SYNDIG1: variants seen among roughly 807,000 people sequenced by gnomAD.
The protein encoded by SYNDIG1 is synapse differentiation inducing 1, also known as synapse differentiation-inducing gene protein 1.
In SYNDIG1, 9 loss-of-function variants were observed where a neutral mutation model predicts 19.4. That is an observed-to-expected ratio of 0.46 (90% confidence interval 0.28 to 0.81). SYNDIG1 has a LOEUF of 0.81. Among genes scored for constraint, SYNDIG1 ranks in the 30% least tolerant of loss-of-function variants. The probability of loss-of-function intolerance (pLI) is 0.12; values close to 1 mark genes in which losing one functional copy is unlikely to be tolerated. For synonymous variants in SYNDIG1, 141 were observed against 145.9 expected (o/e 0.97, Z 0.24); for missense variants, 311 against 343.3 (o/e 0.91, Z 0.74).
intron 2 of SYNDIG1, among the ~76,000 whole-genome samples, chr20:24,579,372 G>A (rs1393720764): frequency 3.3e-5 from 5 of 152,234 alleles, no homozygotes; most frequent in African/African-American, 1.2e-4. Flanking sequence ...GTGGCAGAAT[G>A]TGCTTGGTTA....
intron 1 of SYNDIG1, among the ~76,000 whole-genome samples, chr20:24,500,832 CTG>C (rs1185918898): frequency 1.3e-5 from 2 of 152,112 alleles, no homozygotes; most frequent in Non-Finnish European, 2.9e-5. Context: ...GAAGCATGTA[CTG>C]TGGAAGATTC....
At chr20:24,524,969 T>A (rs2146571633) in intron 1 of SYNDIG1, among the ~76,000 whole-genome samples, 1 of 152,296 alleles carries the variant, frequency 6.6e-6, no homozygotes, top group East Asian at 1.9e-4. Context: ...ATTATTTTGG[T>A]GAATTTATTA....
At chr20:24,531,859 T>C (rs2057266664) in intron 1 of SYNDIG1, among the ~76,000 whole-genome samples, 1 of 152,202 alleles carries the variant, frequency 6.6e-6, no homozygotes, top group Admixed American at 6.5e-5. Context: ...GCTGGGACAC[T>C]CGGCATGCAA....
chr20:24,624,582 A>G (rs964086188), intron 3 of SYNDIG1, among the ~76,000 whole-genome samples: 1 of 152,178 alleles, frequency 6.6e-6, no homozygotes. Flanking sequence ...AGAAGATACA[A>G]TGGTAGTTAG....
chr20:24,477,045 G>A (rs549929158), intron 1 of SYNDIG1, among the ~76,000 whole-genome samples: 3 of 152,246 alleles, frequency 2.0e-5, no homozygotes, highest in East Asian at 1.9e-4. Flanking sequence ...GACATGAAAT[G>A]TATCTGTTGA....
intron 3 of SYNDIG1, among the ~76,000 whole-genome samples, chr20:24,624,028 C>G (rs2059080456): frequency 6.6e-6 from 1 of 152,014 alleles, no homozygotes; most frequent in South Asian, 2.1e-4. Flanking sequence ...TTTGGGAGGC[C>G]AAGGCCGACG....
intron 2 of SYNDIG1, among the ~76,000 whole-genome samples, chr20:24,562,018 C>T (rs895208742): frequency 6.6e-6 from 1 of 151,782 alleles, no homozygotes; most frequent in Admixed American, 6.6e-5. Flanking sequence ...CACAAAGGAA[C>T]CAGTTTCACC....
chr20:24,557,718 G>T (rs772039177), intron 2 of SYNDIG1, among the ~76,000 whole-genome samples: 1 of 152,146 alleles, frequency 6.6e-6, no homozygotes, highest in Non-Finnish European at 1.5e-5. Flanking sequence ...TGCCCGTACT[G>T]GGGGGTGCCT....
intron 1 of SYNDIG1, among the ~76,000 whole-genome samples, chr20:24,526,042 T>C (rs1394341360): frequency 6.6e-6 from 1 of 152,190 alleles, no homozygotes; most frequent in Non-Finnish European, 1.5e-5. Context: ...AGATTTCTTA[T>C]TTGTTGCCTA....
At chr20:24,613,624 C>G (rs546678498) in intron 3 of SYNDIG1, among the ~76,000 whole-genome samples, 63 of 152,126 alleles carry the variant, frequency 4.1e-4, no homozygotes, top group Non-Finnish European at 7.6e-4. Flanking sequence ...CATGCTTGCC[C>G]TCCTGACCGT....
intron 1 of SYNDIG1, among the ~76,000 whole-genome samples, chr20:24,489,086 TC>T (rs1298027507): frequency 6.6e-6 from 1 of 152,194 alleles, no homozygotes; most frequent in African/African-American, 2.4e-5. Flanking sequence ...ACATCCAGCT[TC>T]TTTTAGAAGG....
chr20:24,545,026 G>T (rs2057546123), intron 2 of SYNDIG1, among the ~76,000 whole-genome samples: 1 of 152,128 alleles, frequency 6.6e-6, no homozygotes, highest in South Asian at 2.1e-4. Flanking sequence ...CCACAACCAT[G>T]GGACCCCACA....
chr20:24,629,838 G>A (rs915006445), intron 3 of SYNDIG1, among the ~76,000 whole-genome samples: 7 of 152,222 alleles, frequency 4.6e-5, no homozygotes, highest in Non-Finnish European at 7.3e-5. Context: ...AGGAGCCCAG[G>A]CAGCTTCCGG....
intron 3 of SYNDIG1, among the ~76,000 whole-genome samples, chr20:24,618,337 G>A (rs1219596386): frequency 4.8e-5 from 7 of 144,334 alleles, no homozygotes; most frequent in Non-Finnish European, 6.2e-5. Context: ...AGCCCAGGGA[G>A]CGAGGAGATC....
At chr20:24,593,201 C>T (rs953545425) in intron 3 of SYNDIG1, among the ~76,000 whole-genome samples, 2 of 152,224 alleles carry the variant, frequency 1.3e-5, no homozygotes, top group Non-Finnish European at 2.9e-5. Context: ...CTCCCCTCCT[C>T]CTTCCTCAAG....
At chr20:24,632,517 G>A (rs1292227808) in intron 3 of SYNDIG1, among the ~76,000 whole-genome samples, 2 of 152,202 alleles carry the variant, frequency 1.3e-5, no homozygotes, top group African/African-American at 4.8e-5. Flanking sequence ...TGGGATTACA[G>A]GCATGAGCCA....
intron 1 of SYNDIG1, among the ~76,000 whole-genome samples, chr20:24,504,092 T>A (rs186333318): frequency 7.2e-5 from 11 of 152,046 alleles, no homozygotes; most frequent in South Asian, 6.2e-4. Context: ...CCTGAGTAGC[T>A]GGGACTACAG....
At chr20:24,540,027 C>T (rs374990542) in intron 1 of SYNDIG1, among the ~76,000 whole-genome samples, 5 of 152,300 alleles carry the variant, frequency 3.3e-5, no homozygotes, top group Admixed American at 1.3e-4. Context: ...AGTCATCCAC[C>T]CACTTCAGCC....
intron 3 of SYNDIG1, among the ~76,000 whole-genome samples, chr20:24,586,679 G>A (rs913931665): frequency 6.6e-5 from 10 of 152,204 alleles, no homozygotes; most frequent in Admixed American, 6.5e-4. Flanking sequence ...TCTCCATGTG[G>A]GGAAGGATAG....
Sources: allele counts gnomAD v4.1 joint callset (sites outside exome capture counted in the v4.1 genomes callset), GRCh38; gene constraint gnomAD v4.1.1; transcripts MANE v1.5; gene names NCBI Gene and HGNC (gene_info 2026-07-23, HGNC 2026-07-21).